POU2F2: variants seen among roughly 807,000 people sequenced by gnomAD.
The protein encoded by POU2F2 is POU class 2 homeobox 2, also known as POU domain, class 2, transcription factor 2.
POU2F2 carries 14 observed loss-of-function variants against 63.5 expected under a neutral mutation model. The observed-to-expected ratio is 0.22, with a 90% CI of 0.15 to 0.34. The LOEUF is 0.34. Ranked by LOEUF, POU2F2 falls within the 10% of genes least tolerant of loss-of-function variation. The probability of loss-of-function intolerance (pLI) is 1.00; values close to 1 mark genes in which losing one functional copy is unlikely to be tolerated. For missense variants in POU2F2, 607 were observed against 815.2 expected, an observed-to-expected ratio of 0.74 and a Z score of 3.11; for synonymous variants, 306 against 348.6, an observed-to-expected ratio of 0.88 and a Z score of 1.36.
intron 1 of POU2F2, among the ~76,000 whole-genome samples, chr19:42,185,956 T>C (rs1423665781): frequency 6.6e-6 from 1 of 152,188 alleles, no homozygotes; most frequent in East Asian, 1.9e-4. Context: ...GTGGCACTAT[T>C]ATGGCTCACT....
upstream of POU2F2, among the ~76,000 whole-genome samples, chr19:42,134,218 G>A (rs141410320): frequency 2.0e-5 from 3 of 150,000 alleles, no homozygotes; most frequent in Non-Finnish European, 3.0e-5. Context: ...GACATTATGG[G>A]GGGGGGCAAA....
At chr19:42,161,421 T>C (rs1236091514) in intron 1 of POU2F2, among the ~76,000 whole-genome samples, 2 of 151,758 alleles carry the variant, frequency 1.3e-5, no homozygotes, top group Non-Finnish European at 2.9e-5. Flanking sequence ...GTGTACAAGA[T>C]GGAGAGAACA....
Position 42,117,134 on chromosome 19 carries a change from G to A in POU2F2, c.369+116C>T. The A allele has an allele frequency of 1.2e-6, 1 of 867,662 alleles. No individual in the cohort carries two copies. The allele number at this position is 867,662 out of a possible 1,614,324, so 53.7% of individuals were successfully genotyped here. ...CCTCCTAGAGGACAGAAGAGGGCAA[G>A]AGGCAGGTGTGAGAGAGTGGCCATG... On this transcript the variant is annotated intron_variant, in intron 5 of 14. Coordinates refer to ENST00000692977, the MANE Select transcript of POU2F2 (RefSeq NM_001394376.1). This position sits in a 1 kb window ranked among gnomAD's most constrained non-coding sequence, Gnocchi z 4.4.
chr19:42,188,557 G>T (rs577861701), intron 1 of POU2F2, among the ~76,000 whole-genome samples: 2 of 151,378 alleles, frequency 1.3e-5, no homozygotes, highest in East Asian at 3.9e-4. Flanking sequence ...TGTAATCCCA[G>T]CTACTCGGGA....
chr19:42,099,468 C>A, intron 7 of POU2F2, 59 bp downstream of exon 7: 10 of 1,465,242 alleles, frequency 6.8e-6, no homozygotes, highest in Non-Finnish European at 9.6e-6. Context: ...CCCCGTTTAC[C>A]CAGCTTTCAG....
In POU2F2 at chr19:42,095,582, G is replaced by T. The variant is rs767410099; in HGVS notation, c.983C>A (p.Thr328Lys). Residue 328 changes from threonine to lysine, a missense_variant, in exon 10 of 15, where the codon ACA becomes AAA. Physicochemically the swap from Thr to Lys is moderately conservative, Grantham distance 78. Around this residue, in one of 7 missense-constraint regions of POU2F2, gnomAD observed 36 missense variants for 63.8 expected, o/e 0.56. Transcript: ENST00000692977. This position sits in a 1 kb window ranked among gnomAD's most constrained non-coding sequence, Gnocchi z 7.1. ...CTTCTCTAAGGCGAAGCGGACGTTT[G>T]TCTCGATGCTGGTCCTCTTCTTGCG... ...RRRKKRTSIETNVRFALEKSF... is the reference protein window; with the variant it reads ...RRRKKRTSIEKNVRFALEKSF... 1 of 1,610,850 alleles carries T rather than the reference G, an allele frequency of 6.2e-7. No individual in the cohort carries two copies. Among genetic ancestry groups the T allele is most frequent in the Non-Finnish European group, 8.5e-7 (1 of 1,178,634 alleles).
chr19:42,108,468 G>A (rs1186987783), intron 5 of POU2F2, among the ~76,000 whole-genome samples: 1 of 152,066 alleles, frequency 6.6e-6, no homozygotes, highest in Non-Finnish European at 1.5e-5. Flanking sequence ...CCAGCTACTC[G>A]GGAGACTGAG....
intron 1 of POU2F2, among the ~76,000 whole-genome samples, chr19:42,174,789 C>G (rs1272116449): frequency 6.6e-6 from 1 of 152,082 alleles, no homozygotes; most frequent in East Asian, 1.9e-4. Flanking sequence ...CACACTGACT[C>G]TGTACCTTCC....
At chr19:42,132,567 C>T (rs1224223380), upstream of POU2F2, 14 of 579,216 alleles carry the variant, frequency 2.4e-5, no homozygotes, top group East Asian at 4.9e-4. Context: ...AGACCCGCCC[C>T]GGCAGCCCGG....
intron 1 of POU2F2, among the ~76,000 whole-genome samples, chr19:42,174,617 C>G (rs2034837020): frequency 6.6e-6 from 1 of 152,074 alleles, no homozygotes; most frequent in Non-Finnish European, 1.5e-5. Context: ...TGGCTCCTCA[C>G]TCTGCCAAGG....
rs1362518708 is a variant in POU2F2, at chr19:42,162,937, G to T, written c.-69-2545C>A. 1.3e-5 allele frequency among the ~76,000 whole-genome samples: 2 copies of T among 152,130 alleles called. No homozygotes were observed. The highest frequency in any genetic ancestry group is 4.8e-5 in the African/African-American group (2 of 41,418). ...TGAGTGCTGGTCATGCACCAGGGGT[G>T]GGTCATTGCTCTGCAGGTGTGATCT... On this transcript the variant is annotated intron_variant, in intron 1 of 6. Transcript: ENST00000524801. The surrounding 1 kb of genome is among the most constrained non-coding windows in gnomAD (Gnocchi z 4.1).
At chr19:42,107,339 A>G (rs2030264183) in intron 5 of POU2F2, among the ~76,000 whole-genome samples, 2 of 152,214 alleles carry the variant, frequency 1.3e-5, no homozygotes, top group Admixed American at 1.3e-4. Context: ...CGAGCAACAG[A>G]GTGAGACTCC....
chr19:42,134,223 G>C (rs928531411), upstream of POU2F2, among the ~76,000 whole-genome samples: 5 of 147,072 alleles, frequency 3.4e-5, no homozygotes, highest in Non-Finnish European at 7.5e-5. Flanking sequence ...TATGGGGGGG[G>C]GCAAAACCTC....
At chr19:42,148,948 C>A (rs1412727884) in intron 2 of POU2F2, among the ~76,000 whole-genome samples, 9 of 152,018 alleles carry the variant, frequency 5.9e-5, no homozygotes, top group Admixed American at 5.2e-4. Flanking sequence ...TCGCTCCCAC[C>A]CAGACCGAGA....
At position 42,171,158 on chromosome 19, in the gene POU2F2, G is replaced by A. The variant is rs117675625; in HGVS notation, c.-70+4805C>T. 7.9e-5 allele frequency among the ~76,000 whole-genome samples: 12 copies of A among 152,352 alleles called. No homozygotes were observed. In the East Asian group the frequency reaches 2.1e-3, roughly 27 times the overall value. On this transcript the variant is annotated intron_variant, in intron 1 of 6. Coordinates refer to the POU2F2 transcript ENST00000524801. ...CTCCCCTCAGCACACTGCTCAGGCT[G>A]TCATTCTTCAATGACCGCTGGCCAC...
chr19:42,110,265 C>T lies in POU2F2; in HGVS notation c.369+6985G>A, dbSNP rs117007850. The stretch of plus-strand genomic sequence containing the variant: ...GAGTTATGATGGTGATAGAGCAAGA[C>T]CTCGTCTCTAAAAAAATGAATAACT... On this transcript the variant is annotated intron_variant, in intron 5 of 14. Coordinates refer to ENST00000692977, the MANE Select transcript of POU2F2 (RefSeq NM_001394376.1). Among the ~76,000 whole-genome samples the T allele has an allele frequency of 2.3e-3, 348 of 152,030 alleles. 1 individual carries two copies. Among genetic ancestry groups the T allele is most frequent in the Non-Finnish European group, 3.5e-3 (241 of 67,946 alleles).
chr19:42,106,245 A>G (rs1271077134), intron 5 of POU2F2, among the ~76,000 whole-genome samples: 1 of 151,926 alleles, frequency 6.6e-6, no homozygotes, highest in African/African-American at 2.4e-5. Flanking sequence ...AGCTGAGGCT[A>G]CAGGTGCACC....
At chr19:42,132,248 G>A in intron 1 of POU2F2, 136 bp downstream of exon 1, 2 of 977,214 alleles carry the variant, frequency 2.0e-6, no homozygotes, top group South Asian at 1.6e-5. Context: ...CCCGGCATGG[G>A]AGAGAGGGAG....
Position 42,091,860 on chromosome 19 carries a change from C to A in POU2F2, c.1540+7G>T. The A allele has an allele frequency of 6.5e-7, 1 of 1,538,802 alleles. No homozygotes were observed. On this transcript the variant is annotated splice_region_variant and intron_variant, in intron 14 of 14. Transcript: ENST00000692977. ...TGACGATGGGTGTGACATGAGGCAG[C>A]ACGCACCTTGGATAGTGGCCAAAGG...
Sources: gnomAD v4.1 joint callset for allele counts (sites outside exome capture counted in the v4.1 genomes callset) on GRCh38, gnomAD v4.1.1 for gene constraint, gnomAD v4.1.1 regional missense constraint, Gnocchi (gnomAD v3.1) non-coding constraint, MANE v1.5 for transcripts, NCBI Gene and HGNC (gene_info 2026-07-23, HGNC 2026-07-21) for gene names.